QRICH1: variants seen among roughly 807,000 people sequenced by gnomAD.
QRICH1 encodes glutamine rich 1, also known as transcriptional regulator QRICH1.
QRICH1 carries 16 observed loss-of-function variants against 87.1 expected under a neutral mutation model. That is an observed-to-expected ratio of 0.18 (90% CI 0.12 to 0.28). QRICH1 has a LOEUF of 0.28. Ranked by LOEUF, QRICH1 falls within the 10% of genes least tolerant of loss-of-function variation. The pLI is 1.00. For synonymous variants in QRICH1, 367 were observed against 368.4 expected, an observed-to-expected ratio of 1.00 and a Z score of 0.05; for missense variants, 647 against 951.7, an observed-to-expected ratio of 0.68 and a Z score of 4.21.
intron 1 of QRICH1, among the ~76,000 whole-genome samples, chr3:49,081,274 G>A (rs979810287): frequency 5.3e-5 from 8 of 152,004 alleles, no homozygotes; most frequent in South Asian, 2.1e-4. Context: ...AAAATTAGCC[G>A]GGCATGATGG....
At chr3:49,051,334 C>G (rs953014055) in intron 3 of QRICH1, among the ~76,000 whole-genome samples, 64 of 152,244 alleles carry the variant, frequency 4.2e-4, no homozygotes, top group African/African-American at 1.2e-3. Context: ...TTGTCCTTTG[C>G]ACTCTGCTCG....
rs551847521 is a variant in QRICH1, at chr3:49,063,419, C to A, written c.310-5529G>T. 4.2e-4 allele frequency among the ~76,000 whole-genome samples: 64 copies of A among 152,270 alleles called. 1 individual carries two copies. The highest frequency in any genetic ancestry group is 6.8e-3 in the Middle Eastern group (2 of 294). ...ACATGGTCAAATTTAAGAACTAGGG[C>A]TATATGCCAAAGACATAAGAGGAAA... On this transcript the variant is annotated intron_variant, in intron 2 of 9. Coordinates refer to ENST00000395443, the MANE Select transcript of QRICH1 (RefSeq NM_198880.3).
intron 1 of QRICH1, among the ~76,000 whole-genome samples, chr3:49,089,754 T>C (rs1312289258): frequency 6.6e-6 from 1 of 152,094 alleles, no homozygotes; most frequent in Non-Finnish European, 1.5e-5. Context: ...ACAAAACTCA[T>C]AAGGAAACAA....
At chr3:49,031,362 G>A (rs929545108) in intron 9 of QRICH1, among the ~76,000 whole-genome samples, 2 of 152,078 alleles carry the variant, frequency 1.3e-5, no homozygotes, top group African/African-American at 2.4e-5. Flanking sequence ...CCCCTCCCCC[G>A]AACTGTGCTG....
intron 2 of QRICH1, among the ~76,000 whole-genome samples, chr3:49,076,208 A>G (rs1210530900): frequency 6.6e-6 from 1 of 152,216 alleles, no homozygotes; most frequent in Non-Finnish European, 1.5e-5. Flanking sequence ...AGAAACAAAC[A>G]AAGAAAACAA....
chr3:49,030,790 C>G, intron 9 of QRICH1, 146 bp from the exon 10 acceptor site: 1 of 721,712 alleles, frequency 1.4e-6, no homozygotes, highest in Non-Finnish European at 2.2e-6. Flanking sequence ...CCACCACACA[C>G]TACATCCTGG....
rs913925345 is a variant in QRICH1, at chr3:49,057,212, T to C, written c.988A>G (p.Ile330Val). 1.2e-6 allele frequency: 2 copies of C among 1,614,092 alleles called. No homozygotes were observed. Among genetic ancestry groups the C allele is most frequent in the South Asian group, 1.1e-5 (1 of 91,072 alleles). ...GDPQQQSITH[I>V]AIPQEAYNAV... ...TTGTAGGCTTCCTGGGGAATGGCAA[T>C]GTGGGTAATGCTCTGCTGCTGAGGG... The change falls in exon 3 of 10, where the codon ATT becomes GTT. Residue 330 changes from isoleucine to valine, a missense_variant. Physicochemically the swap from Ile to Val is conservative, Grantham distance 29. This residue lies in a region of QRICH1 where 75 missense variants were observed against 141.0 expected (regional missense o/e 0.53). Transcript: ENST00000395443. The surrounding 1 kb of genome is among the most constrained non-coding windows in gnomAD (Gnocchi z 5.4).
chr3:49,066,068 T>C (rs1320645998), intron 2 of QRICH1, among the ~76,000 whole-genome samples: 1 of 152,092 alleles, frequency 6.6e-6, no homozygotes, highest in African/African-American at 2.4e-5. Context: ...GTGGACTGCT[T>C]GAGCTCAGGA....
intron 1 of QRICH1, among the ~76,000 whole-genome samples, chr3:49,078,386 CTTTTTTTTTTTTT>C (rs60933196): frequency 5.7e-5 from 4 of 69,826 alleles, no homozygotes; most frequent in Admixed American, 2.4e-4. Flanking sequence ...ATTATGGTTC[CTTTTTTTTTTTTT>C]TTTTTTTTTT....
chr3:49,091,869 G>C (rs888526488), intron 1 of QRICH1, among the ~76,000 whole-genome samples: 4 of 152,062 alleles, frequency 2.6e-5, no homozygotes, highest in Non-Finnish European at 4.4e-5. Context: ...TCAGGAGTTC[G>C]AGACCAGTCT....
At chr3:49,082,672 G>A (rs1197115738) in intron 1 of QRICH1, among the ~76,000 whole-genome samples, 1 of 151,896 alleles carries the variant, frequency 6.6e-6, no homozygotes, top group Admixed American at 6.6e-5. Context: ...GAGGTGGGTG[G>A]ATCACGAGGT....
intron 1 of QRICH1, among the ~76,000 whole-genome samples, chr3:49,077,526 A>G (rs894996172): frequency 1.8e-4 from 27 of 152,302 alleles, no homozygotes; most frequent in African/African-American, 6.5e-4. Flanking sequence ...GAGGCAGAGG[A>G]TATGTTCTTC....
At chr3:49,037,829 A>G (rs2106830138) in intron 6 of QRICH1, among the ~76,000 whole-genome samples, 1 of 151,706 alleles carries the variant, frequency 6.6e-6, no homozygotes, top group East Asian at 1.9e-4. Flanking sequence ...ACATATAAAA[A>G]TTAGCTGGGT....
intron 3 of QRICH1, chr3:49,056,645 T>C: frequency 1.2e-6 from 1 of 859,538 alleles, no homozygotes; most frequent in Non-Finnish European, 1.8e-6. Flanking sequence ...CCAAAGCAAT[T>C]CCTGGCCATC....
At chr3:49,032,440 C>G in intron 8 of QRICH1, 167 bp from the exon 9 acceptor site, 1 of 878,308 alleles carries the variant, frequency 1.1e-6, no homozygotes, top group East Asian at 2.6e-5. Context: ...GGCAGCTATT[C>G]TGTCTGGGGC....
intron 1 of QRICH1, among the ~76,000 whole-genome samples, chr3:49,087,972 G>C (rs1167763322): frequency 7.0e-6 from 1 of 143,412 alleles, no homozygotes; most frequent in Non-Finnish European, 1.5e-5. Flanking sequence ...TTTTTTTTGA[G>C]ACAGAGTCTC....
intron 3 of QRICH1, among the ~76,000 whole-genome samples, chr3:49,054,222 A>T (rs2093388071): frequency 1.3e-5 from 2 of 152,198 alleles, no homozygotes; most frequent in Admixed American, 1.3e-4. Context: ...ACCACTAAGT[A>T]CCAAATGAGG....
At chr3:49,052,014 G>A (rs1235367604) in intron 3 of QRICH1, among the ~76,000 whole-genome samples, 1 of 152,156 alleles carries the variant, frequency 6.6e-6, no homozygotes, top group Non-Finnish European at 1.5e-5. Flanking sequence ...ACATATAATG[G>A]AAGCCTTGGA....
In QRICH1 at chr3:49,030,226, C is replaced by G; in HGVS notation, c.*226G>C. On this transcript the variant is annotated 3_prime_UTR_variant, in exon 10 of 10. Coordinates refer to ENST00000395443, the MANE Select transcript of QRICH1 (RefSeq NM_198880.3). ...CAGCAACTTTCTAGGACATATGACA[C>G]TCAAGGAAACCCAGAGCCACCATCG... 1.8e-6 allele frequency: 1 copy of G among 555,920 alleles called. No individual in the cohort carries two copies. Among genetic ancestry groups the G allele is most frequent in the Admixed American group, 3.6e-5 (1 of 28,142 alleles). 34.4% of individuals were successfully genotyped at this position (555,920 alleles called of 1,614,324 possible). A position where few individuals can be genotyped will look rare whatever the true frequency, so the allele number is the denominator to read the frequency against.
Sources: gnomAD v4.1 joint callset for allele counts (sites outside exome capture counted in the v4.1 genomes callset) on GRCh38, gnomAD v4.1.1 for gene constraint, gnomAD v4.1.1 regional missense constraint, Gnocchi (gnomAD v3.1) non-coding constraint, MANE v1.5 for transcripts, NCBI Gene and HGNC (gene_info 2026-07-23, HGNC 2026-07-21) for gene names.